Variants in ABCA13 observed in about 807,000 individuals in gnomAD.
The protein encoded by ABCA13 is ATP-binding cassette sub-family A member 13.
Under a neutral mutation model 478.7 loss-of-function variants are expected in ABCA13, and 476 were observed. The ratio of observed to expected loss-of-function variants is 0.99; its 90% CI spans 0.92 to 1.07. The LOEUF is 1.07. Ranked by LOEUF, ABCA13 falls within the 50% of genes least tolerant of loss-of-function variation. ABCA13 has a pLI of 0.00. For synonymous variants in ABCA13, 2,252 were observed against 2,158.9 expected (o/e 1.04, Z -1.20); for missense variants, 6,060 against 5,910.6 (o/e 1.03, Z -0.83).
intron 55 of ABCA13, among the ~76,000 whole-genome samples, chr7:48,576,376 G>A (rs1452772402): frequency 2.0e-5 from 3 of 152,166 alleles, no homozygotes; most frequent in Non-Finnish European, 4.4e-5. Context: ...GCTCCTCACT[G>A]ATGAGTATTA....
chr7:48,214,562 C>A (rs867411284), intron 3 of ABCA13, among the ~76,000 whole-genome samples: 5 of 152,134 alleles, frequency 3.3e-5, no homozygotes, highest in African/African-American at 7.2e-5. Context: ...ACACTTACAC[C>A]AATTATTTTA....
At position 48,301,727 on chromosome 7, in the gene ABCA13, C is replaced by T. The variant is rs113055726; in HGVS notation, c.9321+3240C>T. Among the ~76,000 whole-genome samples the T allele has an allele frequency of 2.8e-3, 428 of 152,100 alleles. 1 individual carries two copies. Among genetic ancestry groups the T allele is most frequent in the Admixed American group, 5.9e-3 (90 of 15,264 alleles). On this transcript the variant is annotated intron_variant, in intron 23 of 61. Transcript: ENST00000435803. The stretch of plus-strand genomic sequence containing the variant: ...ACATCAGGAGATTGGGGTTTGTGGT[C>T]CTTGTAATCCAGGATTCACAGAATG...
chr7:48,585,661 AGT>A (rs1789109808), intron 56 of ABCA13, among the ~76,000 whole-genome samples: 1 of 152,174 alleles, frequency 6.6e-6, no homozygotes, highest in Admixed American at 6.5e-5. Context: ...TATACACATT[AGT>A]TTATATTTAT....
chr7:48,271,933 G>T lies in ABCA13; in HGVS notation c.2267G>T (p.Ser756Ile). 6 of 1,613,466 alleles carry T rather than the reference G, an allele frequency of 3.7e-6. No homozygotes were observed. Among genetic ancestry groups the T allele is most frequent in the Non-Finnish European group, 5.1e-6 (6 of 1,179,678 alleles). Reference sequence around the variant, plus strand: ...CTTTTTGACTCCTCCATTGTTCCCAGTTTCCACAGCCTCCCATCTCTCACA... The same window carrying T: ...CTTTTTGACTCCTCCATTGTTCCCATTTTCCACAGCCTCCCATCTCTCACA... ...PNLFDSSIVP[S>I]FHSLPSLTED... Residue 756 changes from serine to isoleucine, a missense_variant, in exon 17 of 62, where the codon AGT becomes ATT. Transcript: ENST00000435803.
Position 48,498,528 on chromosome 7 carries a change from A to G in ABCA13, c.13292-7808A>G. Among the ~76,000 whole-genome samples, 2 of 152,134 alleles carry G rather than the reference A, an allele frequency of 1.3e-5. 1 individual carries two copies. Among genetic ancestry groups the G allele is most frequent in the Non-Finnish European group, 2.9e-5 (2 of 68,038 alleles). ...TGTCCAGCAGTTTTTTATTGTAAAA[A>G]TGAGGACTTGGCAGAACTGGGGCTG... On this transcript the variant is annotated intron_variant, in intron 48 of 61. Coordinates refer to ENST00000435803, the MANE Select transcript of ABCA13 (RefSeq NM_152701.5).
chr7:48,237,993 C>T (rs925680208), intron 8 of ABCA13, among the ~76,000 whole-genome samples: 1 of 152,220 alleles, frequency 6.6e-6, no homozygotes, highest in East Asian at 1.9e-4. Context: ...TTGACAGTCA[C>T]AGGTTAATAT....
intron 27 of ABCA13, among the ~76,000 whole-genome samples, chr7:48,323,301 C>A (rs1803783413): frequency 2.0e-5 from 3 of 152,192 alleles, no homozygotes; most frequent in Non-Finnish European, 4.4e-5. Flanking sequence ...GCTAGGAATA[C>A]CTTCAGCAGT....
At chr7:48,620,242 C>T (rs56142896) in intron 59 of ABCA13, among the ~76,000 whole-genome samples, 58,403 of 137,370 alleles carry the variant, frequency 0.43, 12,096 homozygotes, top group African/African-American at 0.56. Context: ...TATTTAGTAA[C>T]AAAAAATCAC....
At chr7:48,399,881 G>A (rs970331729) in intron 38 of ABCA13, among the ~76,000 whole-genome samples, 5 of 152,182 alleles carry the variant, frequency 3.3e-5, no homozygotes, top group Non-Finnish European at 1.5e-5. Flanking sequence ...AGAAACAGCA[G>A]TTATAGAACA....
intron 3 of ABCA13, among the ~76,000 whole-genome samples, chr7:48,209,212 A>G (rs1200042967): frequency 6.6e-6 from 1 of 152,118 alleles, no homozygotes; most frequent in Non-Finnish European, 1.5e-5. Context: ...ATGTAAATTT[A>G]AATGTAATAT....
At chr7:48,529,197 C>G (rs1833065049) in intron 55 of ABCA13, among the ~76,000 whole-genome samples, 1 of 152,220 alleles carries the variant, frequency 6.6e-6, no homozygotes, top group Non-Finnish European at 1.5e-5. Flanking sequence ...CTAAACCTCT[C>G]TGTGCTCAAT....
At chr7:48,314,921 G>A (rs1007042957) in intron 26 of ABCA13, among the ~76,000 whole-genome samples, 1 of 152,180 alleles carries the variant, frequency 6.6e-6, no homozygotes, top group African/African-American at 2.4e-5. Context: ...AGGTACAAAT[G>A]AATATGTCAT....
chr7:48,247,568 TG>T (rs1344572892), intron 13 of ABCA13, among the ~76,000 whole-genome samples: 1 of 152,000 alleles, frequency 6.6e-6, no homozygotes, highest in Non-Finnish European at 1.5e-5. Context: ...CCAGTCTCCG[TG>T]GGGTGGTTCT....
intron 1 of ABCA13, among the ~76,000 whole-genome samples, chr7:48,192,701 T>TTCTGACATTCTG (rs1797262277): frequency 1.3e-5 from 2 of 152,170 alleles, no homozygotes; most frequent in Non-Finnish European, 2.9e-5. Flanking sequence ...TGTAATGTCA[T>TTCTGACATTCTG]AAGTTCTGAA....
chr7:48,454,030 GCTCT>G (rs1025075126), intron 42 of ABCA13, among the ~76,000 whole-genome samples: 2 of 152,162 alleles, frequency 1.3e-5, no homozygotes, highest in African/African-American at 4.8e-5. Flanking sequence ...CTTGTTTGCT[GCTCT>G]CTATTAACTG....
At chr7:48,204,272 C>T (rs960545540) in intron 3 of ABCA13, among the ~76,000 whole-genome samples, 8 of 151,182 alleles carry the variant, frequency 5.3e-5, no homozygotes, top group African/African-American at 1.7e-4. Context: ...TGCAGTGGTG[C>T]GATCTCGGCT....
intron 58 of ABCA13, among the ~76,000 whole-genome samples, chr7:48,610,826 GC>G (rs1246003451): frequency 6.6e-6 from 1 of 152,202 alleles, no homozygotes; most frequent in Non-Finnish European, 1.5e-5. Flanking sequence ...TGGAGCTGGA[GC>G]AGCTGCAACA....
chr7:48,614,622 C>A (rs1467183814), intron 58 of ABCA13, among the ~76,000 whole-genome samples: 1 of 150,598 alleles, frequency 6.6e-6, no homozygotes, highest in Non-Finnish European at 1.5e-5. Flanking sequence ...ATAGCAAAGA[C>A]TTGGAACCAA....
chr7:48,212,170 C>T (rs1785760904), intron 3 of ABCA13, among the ~76,000 whole-genome samples: 1 of 152,186 alleles, frequency 6.6e-6, no homozygotes, highest in Middle Eastern at 3.4e-3. Flanking sequence ...CTAAATGCTC[C>T]CTCTGTGGGC....
Sources: allele counts gnomAD v4.1 joint callset (sites outside exome capture counted in the v4.1 genomes callset), GRCh38; gene constraint gnomAD v4.1.1; transcripts MANE v1.5; gene names NCBI Gene and HGNC (gene_info 2026-07-23, HGNC 2026-07-21).